Variants in TMCO5A observed in about 807,000 individuals in gnomAD.
TMCO5A encodes the protein transmembrane and coiled-coil domains 5A.
TMCO5A carries 34 observed loss-of-function variants against 42.3 expected under a neutral mutation model. The ratio of observed to expected loss-of-function variants is 0.80; its 90% CI spans 0.61 to 1.07. TMCO5A has a LOEUF of 1.07. Among genes scored for constraint, TMCO5A ranks in the 50% least tolerant of loss-of-function variants. The pLI is 0.00. For synonymous variants in TMCO5A, 131 were observed against 115.6 expected (o/e 1.13, Z -0.86); for missense variants, 357 against 327.9 (o/e 1.09, Z -0.69).
At chr15:38,034,942 C>T in the TMCO5A span, among the ~76,000 whole-genome samples, 2 of 151,994 alleles carry the variant, frequency 1.3e-5, no homozygotes, top group African/African-American at 4.8e-5. Flanking sequence ...TTCCAGGTAC[C>T]CAGGATCCAC....
At chr15:37,981,245 C>G in the TMCO5A span, among the ~76,000 whole-genome samples, 1 of 143,886 alleles carries the variant, frequency 6.9e-6, no homozygotes, top group Non-Finnish European at 1.5e-5. Flanking sequence ...GAAGGCGGAG[C>G]AAGCCAGCAG....
the TMCO5A span, among the ~76,000 whole-genome samples, chr15:37,981,200 C>CAAAAAAAAAAAAAAAAAAAAAA: frequency 1.5e-5 from 1 of 65,342 alleles, no homozygotes; most frequent in African/African-American, 5.6e-5. Flanking sequence ...AGAAAGCCAG[C>CAAAAAAAAAAAAAAAAAAAAAA]AAAAAAAAAA....
At chr15:37,998,198 A>C in the TMCO5A span, among the ~76,000 whole-genome samples, 1 of 152,062 alleles carries the variant, frequency 6.6e-6, no homozygotes, top group African/African-American at 2.4e-5. Context: ...GAAGCTTTTT[A>C]ACTTGATGTG....
At chr15:37,981,330 TAAGA>T in the TMCO5A span, among the ~76,000 whole-genome samples, 1 of 151,790 alleles carries the variant, frequency 6.6e-6, no homozygotes, top group African/African-American at 2.4e-5. Context: ...TTTTAAAAGA[TAAGA>T]AAGGAAAAGA....
chr15:37,976,589 A>G, the TMCO5A span, among the ~76,000 whole-genome samples: 1 of 152,108 alleles, frequency 6.6e-6, no homozygotes, highest in Admixed American at 6.6e-5. Flanking sequence ...TGTATCTCAG[A>G]AGTTTTGTCA....
chr15:37,940,411 C>T (rs1438748799), intron 6 of TMCO5A, among the ~76,000 whole-genome samples: 2 of 152,156 alleles, frequency 1.3e-5, no homozygotes, highest in Admixed American at 6.5e-5. Context: ...TCACAGAGAA[C>T]ATATTTCTTC....
At chr15:37,989,077 T>G in the TMCO5A span, among the ~76,000 whole-genome samples, 18 of 152,094 alleles carry the variant, frequency 1.2e-4, no homozygotes, top group African/African-American at 4.3e-4. Context: ...GGTTTTGTGT[T>G]TCTAGGAATT....
chr15:38,003,244 C>CTCTCTCTCTCTCTCTCTCTCTCTCTCTG, the TMCO5A span, among the ~76,000 whole-genome samples: 1 of 152,072 alleles, frequency 6.6e-6, no homozygotes, highest in African/African-American at 2.4e-5. Context: ...CTCTCTCTCT[C>CTCTCTCTCTCTCTCTCTCTCTCTCTCTG]TCTGTCTCCT....
rs1479729791 is a variant in TMCO5A, at chr15:37,947,660, C to T, written c.632C>T (p.Thr211Ile). 1 of 1,596,834 alleles carries T rather than the reference C, an allele frequency of 6.3e-7. No individual in the cohort carries two copies. Among genetic ancestry groups the T allele is most frequent in the African/African-American group, 1.3e-5 (1 of 74,278 alleles). ...KEHTSQNNEG[T>I]PTQKTARLFS... ...CAATATCCTTTCTTCTTCCAGGGTA[C>T]TCCTACCCAAAAGACAGCAAGATTA... Residue 211 changes from threonine to isoleucine, a missense_variant, in exon 11 of 12, where the codon ACT becomes ATT. Transcript: ENST00000319669.
the TMCO5A span, among the ~76,000 whole-genome samples, chr15:37,992,239 A>T: frequency 3.3e-5 from 5 of 152,140 alleles, no homozygotes; most frequent in African/African-American, 1.2e-4. Flanking sequence ...CAACAAGTGT[A>T]TTTTTTAAAA....
chr15:37,996,052 G>A, the TMCO5A span, among the ~76,000 whole-genome samples: 1 of 152,054 alleles, frequency 6.6e-6, no homozygotes, highest in African/African-American at 2.4e-5. Context: ...TAAAATAGAT[G>A]GGTTCATCCT....
chr15:37,995,822 G>A, the TMCO5A span, among the ~76,000 whole-genome samples: 1 of 151,462 alleles, frequency 6.6e-6, no homozygotes, highest in Non-Finnish European at 1.5e-5. Flanking sequence ...GTATATTAGA[G>A]TGGACTGTTA....
chr15:38,030,194 G>A, the TMCO5A span, among the ~76,000 whole-genome samples: 3 of 152,146 alleles, frequency 2.0e-5, no homozygotes, highest in Non-Finnish European at 2.9e-5. Flanking sequence ...CCCTGTGGGC[G>A]ATTCCCAGTA....
At chr15:38,015,167 C>G in the TMCO5A span, among the ~76,000 whole-genome samples, 2 of 151,964 alleles carry the variant, frequency 1.3e-5, no homozygotes, top group African/African-American at 4.8e-5. Flanking sequence ...CCGAAGCTCA[C>G]TGACTCAAAT....
At chr15:37,961,282 A>G (rs1405729883) in intron 11 of TMCO5A, among the ~76,000 whole-genome samples, 2 of 152,078 alleles carry the variant, frequency 1.3e-5, no homozygotes, top group East Asian at 1.9e-4. Flanking sequence ...TCCCAGCACT[A>G]TTTGTTGAAA....
chr15:38,005,395 CAAAAAAAAAA>C, the TMCO5A span, among the ~76,000 whole-genome samples: 5 of 44,030 alleles, frequency 1.1e-4, no homozygotes, highest in South Asian at 7.5e-4. Context: ...CCATCTCTAC[CAAAAAAAAAA>C]AAAAAAAAAA....
At chr15:37,971,375 A>G (rs1174238332), downstream of TMCO5A, among the ~76,000 whole-genome samples, 1 of 152,192 alleles carries the variant, frequency 6.6e-6, no homozygotes, top group East Asian at 1.9e-4. Flanking sequence ...CATAGCAAAG[A>G]GACCCTGGGC....
At chr15:38,022,443 A>G in the TMCO5A span, among the ~76,000 whole-genome samples, 1 of 152,220 alleles carries the variant, frequency 6.6e-6, no homozygotes, top group East Asian at 1.9e-4. Flanking sequence ...TCTGGAAAAT[A>G]TAAAACTATG....
chr15:38,016,166 G>T, the TMCO5A span, among the ~76,000 whole-genome samples: 1 of 152,044 alleles, frequency 6.6e-6, no homozygotes, highest in Admixed American at 6.6e-5. Context: ...TGGAGGCAGG[G>T]GCTATATGGG....
Sources: allele counts gnomAD v4.1 joint callset (sites outside exome capture counted in the v4.1 genomes callset), GRCh38; gene constraint gnomAD v4.1.1; transcripts MANE v1.5; gene names NCBI Gene and HGNC (gene_info 2026-07-23, HGNC 2026-07-21).